Variants in MLLT3 observed in about 807,000 individuals in gnomAD.
MLLT3 encodes MLLT3 super elongation complex subunit.
MLLT3 carries 4 observed loss-of-function variants against 53.2 expected under a neutral mutation model. That is an observed-to-expected ratio of 0.08 (90% CI 0.04 to 0.17). The LOEUF (loss-of-function observed/expected upper bound fraction) is 0.17, where lower values mean the gene tolerates loss of function less well. Among genes scored for constraint, MLLT3 ranks in the 10% least tolerant of loss-of-function variants. MLLT3 has a pLI of 1.00. For synonymous variants in MLLT3, 283 were observed against 230.6 expected, an observed-to-expected ratio of 1.23 and a Z score of -2.06; for missense variants, 569 against 684.0, an observed-to-expected ratio of 0.83 and a Z score of 1.87.
chr9:20,608,693 G>C (rs962231877), intron 2 of MLLT3, among the ~76,000 whole-genome samples: 4 of 151,872 alleles, frequency 2.6e-5, no homozygotes, highest in African/African-American at 4.8e-5. Flanking sequence ...TGTTTCTTGG[G>C]AAAGACAGTC....
chr9:20,466,151 T>A (rs1380076167), intron 2 of MLLT3, among the ~76,000 whole-genome samples: 1 of 151,486 alleles, frequency 6.6e-6, no homozygotes, highest in African/African-American at 2.4e-5. Context: ...GGATCAGAGG[T>A]TGATTTTGGA....
intron 2 of MLLT3, among the ~76,000 whole-genome samples, chr9:20,568,639 T>C (rs1018954388): frequency 7.2e-5 from 11 of 152,164 alleles, no homozygotes; most frequent in Non-Finnish European, 1.6e-4. Flanking sequence ...CCAGTGAGGA[T>C]GTAACAAGTA....
intron 2 of MLLT3, among the ~76,000 whole-genome samples, chr9:20,578,510 T>TA (rs895621173): frequency 6.0e-5 from 9 of 149,002 alleles, no homozygotes; most frequent in Non-Finnish European, 1.0e-4. Flanking sequence ...ACTACGTCTC[T>TA]AAAAAAAAAG....
rs559583397 is a variant in MLLT3 at position 20,621,668 on chromosome 9, G to A, written c.12+577C>T. ...GGCGGGCGGACAGCCGCCGAGCCTC[G>A]GCTCGCGCTCAGCACCTCCCGGCGC... On this transcript the variant is annotated intron_variant, in intron 1 of 10. Coordinates refer to ENST00000380338, the MANE Select transcript of MLLT3 (RefSeq NM_004529.4). This position sits in a 1 kb window ranked among gnomAD's most constrained non-coding sequence, Gnocchi z 7.0. The A allele has an allele frequency of 3.4e-6, 4 of 1,168,898 alleles. No homozygotes were observed. Among genetic ancestry groups the A allele is most frequent in the Admixed American group, 3.2e-5 (1 of 30,788 alleles). 72.4% of individuals were successfully genotyped at this position (1,168,898 alleles called of 1,614,324 possible). A position where few individuals can be genotyped will look rare whatever the true frequency, so the allele number is the denominator to read the frequency against.
At chr9:20,391,540 A>G (rs1009157118) in intron 5 of MLLT3, among the ~76,000 whole-genome samples, 1 of 152,208 alleles carries the variant, frequency 6.6e-6, no homozygotes, top group African/African-American at 2.4e-5. Context: ...CGGATCAAAG[A>G]GCAGCCTGAA....
At chr9:20,382,838 T>C (rs780949636) in intron 5 of MLLT3, among the ~76,000 whole-genome samples, 2 of 152,096 alleles carry the variant, frequency 1.3e-5, no homozygotes, top group African/African-American at 2.4e-5. Flanking sequence ...CAGGGTTTTA[T>C]GAAGTACAAA....
chr9:20,461,326 T>G (rs1824103736), intron 2 of MLLT3, among the ~76,000 whole-genome samples: 1 of 152,144 alleles, frequency 6.6e-6, no homozygotes, highest in Non-Finnish European at 1.5e-5. Context: ...CTATTTAATT[T>G]TTAGTTGGAA....
intron 2 of MLLT3, among the ~76,000 whole-genome samples, chr9:20,510,382 G>C (rs926191204): frequency 6.6e-6 from 1 of 152,288 alleles, no homozygotes; most frequent in Middle Eastern, 3.4e-3. Context: ...GGAGGCCAAG[G>C]TGGGCAGATC....
chr9:20,612,538 G>C lies in MLLT3; in HGVS notation c.193+8116C>G, dbSNP rs541471218. Among the ~76,000 whole-genome samples, 3 of 151,180 alleles carry C rather than the reference G, an allele frequency of 2.0e-5. No individual in the cohort carries two copies. The South Asian group carries it at 6.3e-4, about 32-fold the overall frequency. On this transcript the variant is annotated intron_variant, in intron 2 of 10. Transcript: ENST00000380338. ...ATGGCAAAAAGATACCATAAATCAA[G>C]ATAAAAGAAAAAAATGAGGCAAGAT...
chr9:20,595,337 C>G (rs2131190961), intron 2 of MLLT3, among the ~76,000 whole-genome samples: 1 of 152,044 alleles, frequency 6.6e-6, no homozygotes, highest in South Asian at 2.1e-4. Flanking sequence ...TACCACTGCA[C>G]TCCAGCCTGA....
At chr9:20,583,747 C>A (rs934512978) in intron 2 of MLLT3, among the ~76,000 whole-genome samples, 6 of 152,158 alleles carry the variant, frequency 3.9e-5, no homozygotes, top group African/African-American at 1.4e-4. Context: ...GACACCAAGT[C>A]CCTATGCTGC....
At chr9:20,417,843 T>A (rs1022990876) in intron 4 of MLLT3, among the ~76,000 whole-genome samples, 5 of 152,162 alleles carry the variant, frequency 3.3e-5, no homozygotes, top group Non-Finnish European at 5.9e-5. Flanking sequence ...AAATCAGAAC[T>A]ACTGGCCAGA....
chr9:20,466,314 C>T lies in MLLT3; in HGVS notation c.194-9528G>A, dbSNP rs1824237000. Among the ~76,000 whole-genome samples the T allele has an allele frequency of 2.6e-5, 4 of 152,128 alleles. No individual in the cohort carries two copies. The South Asian group carries it at 8.3e-4, about 32-fold the overall frequency. On this transcript the variant is annotated intron_variant, in intron 2 of 10. Transcript: ENST00000380338. ...CAGATTTTTGAGCCATTTTGGATTT[C>T]CGATTTTCAAGTTAGGGAGACTTAA...
chr9:20,376,647 A>C (rs1821772897), intron 5 of MLLT3, among the ~76,000 whole-genome samples: 1 of 152,144 alleles, frequency 6.6e-6, no homozygotes, highest in Non-Finnish European at 1.5e-5. Flanking sequence ...GGGGTCTATA[A>C]ATCTCTCCAT....
rs891413036 is a variant in MLLT3 at position 20,600,454 on chromosome 9, T to C, written c.193+20200A>G. Among the ~76,000 whole-genome samples the C allele has an allele frequency of 8.8e-4, 134 of 152,226 alleles. 7 individuals carry two copies. Among genetic ancestry groups the C allele is most frequent in the Non-Finnish European group, 1.8e-4 (12 of 68,028 alleles). On this transcript the variant is annotated intron_variant, in intron 2 of 10. Transcript: ENST00000380338. ...CCCTTCCTTAACCAACCCCAACTGGTGTACATTCTCAACCCATGAAAATAT... is the reference window on the plus strand; with the variant it reads ...CCCTTCCTTAACCAACCCCAACTGGCGTACATTCTCAACCCATGAAAATAT...
intron 4 of MLLT3, among the ~76,000 whole-genome samples, chr9:20,421,865 G>C (rs1319951288): frequency 1.3e-5 from 2 of 152,114 alleles, no homozygotes; most frequent in Admixed American, 1.3e-4. Context: ...TGTACTAAGG[G>C]AAAGAGTGAA....
intron 2 of MLLT3, among the ~76,000 whole-genome samples, chr9:20,537,064 G>C (rs772575932): frequency 4.6e-5 from 7 of 152,142 alleles, no homozygotes; most frequent in Non-Finnish European, 1.0e-4. Flanking sequence ...AACTATAGAT[G>C]GGAAGTCCCA....
intron 2 of MLLT3, among the ~76,000 whole-genome samples, chr9:20,573,336 T>C (rs1211747093): frequency 1.3e-5 from 2 of 152,076 alleles, no homozygotes; most frequent in Non-Finnish European, 2.9e-5. Flanking sequence ...CATGCCACTG[T>C]GCCTGGCTAA....
chr9:20,603,653 G>C (rs1820492139), intron 2 of MLLT3, among the ~76,000 whole-genome samples: 1 of 151,950 alleles, frequency 6.6e-6, no homozygotes, highest in South Asian at 2.1e-4. Flanking sequence ...GAGAGAAAAG[G>C]GTTTGCAAAA....
Sources: gnomAD v4.1 joint callset for allele counts (sites outside exome capture counted in the v4.1 genomes callset) on GRCh38, gnomAD v4.1.1 for gene constraint, Gnocchi (gnomAD v3.1) non-coding constraint, MANE v1.5 for transcripts, NCBI Gene and HGNC (gene_info 2026-07-23, HGNC 2026-07-21) for gene names.